Variants in CDH4 observed in about 807,000 individuals in gnomAD.
The protein encoded by CDH4 is cadherin-4.
In CDH4, 33 loss-of-function variants were observed where a neutral mutation model predicts 86.0. The ratio of observed to expected loss-of-function variants is 0.38; its 90% CI spans 0.29 to 0.51. The LOEUF (loss-of-function observed/expected upper bound fraction) is 0.51, where lower values mean the gene tolerates loss of function less well. Among genes scored for constraint, CDH4 ranks in the 20% least tolerant of loss-of-function variants. The pLI is 0.86. For missense variants in CDH4, 1,114 were observed against 1,307.4 expected (o/e 0.85, Z 2.28); for synonymous variants, 555 against 549.4 (o/e 1.01, Z -0.14).
At chr20:61,844,120 C>T (rs75638198) in intron 4 of CDH4, among the ~76,000 whole-genome samples, 2,675 of 152,328 alleles carry the variant, frequency 0.018, 36 homozygotes, top group Non-Finnish European at 0.029. Flanking sequence ...TAACCCTTCC[C>T]CATCCCAAGT....
At chr20:61,468,417 T>C (rs979113033) in intron 2 of CDH4, among the ~76,000 whole-genome samples, 1 of 152,246 alleles carries the variant, frequency 6.6e-6, no homozygotes, top group Non-Finnish European at 1.5e-5. Flanking sequence ...ATTTTTTATT[T>C]TTCTGGATAC....
At chr20:61,832,670 T>C (rs773653186) in intron 4 of CDH4, among the ~76,000 whole-genome samples, 1 of 152,088 alleles carries the variant, frequency 6.6e-6, no homozygotes, top group Non-Finnish European at 1.5e-5. Context: ...CTCACTCTCA[T>C]GAGAACTGCA....
intron 2 of CDH4, among the ~76,000 whole-genome samples, chr20:61,478,904 C>T (rs942100554): frequency 6.6e-6 from 1 of 152,090 alleles, no homozygotes; most frequent in African/African-American, 2.4e-5. Flanking sequence ...GGTTTGCCTG[C>T]GAGCGATTCT....
At chr20:61,309,949 G>A (rs2084436644) in intron 2 of CDH4, among the ~76,000 whole-genome samples, 2 of 152,212 alleles carry the variant, frequency 1.3e-5, no homozygotes, top group South Asian at 4.1e-4. Context: ...GCAGAAGCTA[G>A]GGTGGCCTCT....
intron 3 of CDH4, among the ~76,000 whole-genome samples, chr20:61,744,024 G>A (rs1160496509): frequency 6.6e-6 from 1 of 152,228 alleles, no homozygotes; most frequent in Non-Finnish European, 1.5e-5. Context: ...CTCAGGTTCA[G>A]ACACTATGCC....
At chr20:61,667,592 C>T (rs144482007) in intron 2 of CDH4, among the ~76,000 whole-genome samples, 16 of 152,248 alleles carry the variant, frequency 1.1e-4, no homozygotes, top group African/African-American at 3.9e-4. Context: ...TGCCCCCACA[C>T]ACACCCTGGG....
At chr20:61,590,885 G>GC (rs1568701022) in intron 2 of CDH4, among the ~76,000 whole-genome samples, 9 of 151,634 alleles carry the variant, frequency 5.9e-5, no homozygotes, top group African/African-American at 1.7e-4. Context: ...ATGGGGGGGG[G>GC]GGTCCCCGGG....
chr20:61,890,561 G>A (rs1017692981), intron 7 of CDH4, among the ~76,000 whole-genome samples: 1 of 151,688 alleles, frequency 6.6e-6, no homozygotes, highest in Admixed American at 6.6e-5. Context: ...ATGGGTGGAT[G>A]ATGCATGATG....
chr20:61,763,155 C>T (rs1310707774), intron 3 of CDH4, among the ~76,000 whole-genome samples: 1 of 152,198 alleles, frequency 6.6e-6, no homozygotes, highest in Non-Finnish European at 1.5e-5. Flanking sequence ...GCCGGCTTCC[C>T]TTAGAAATAT....
intron 4 of CDH4, among the ~76,000 whole-genome samples, chr20:61,838,616 G>A (rs764340628): frequency 6.6e-6 from 1 of 151,978 alleles, no homozygotes; most frequent in Non-Finnish European, 1.5e-5. Context: ...AGTTCAAGAC[G>A]GGCAACATGG....
At chr20:61,337,448 G>A (rs1353798107) in intron 2 of CDH4, among the ~76,000 whole-genome samples, 2 of 151,740 alleles carry the variant, frequency 1.3e-5, no homozygotes, top group Admixed American at 1.3e-4. Context: ...AACAATGGAT[G>A]ATGAGGAGAA....
intron 2 of CDH4, among the ~76,000 whole-genome samples, chr20:61,373,545 A>C (rs2084851489): frequency 1.3e-5 from 2 of 152,108 alleles, no homozygotes; most frequent in African/African-American, 4.8e-5. Context: ...ATTTGGACTT[A>C]ATGGAGAAAA....
intron 2 of CDH4, among the ~76,000 whole-genome samples, chr20:61,324,855 A>G (rs2084528403): frequency 6.6e-6 from 1 of 152,154 alleles, no homozygotes; most frequent in African/African-American, 2.4e-5. Context: ...TGTGGCAGGC[A>G]CTTGACCCAG....
intron 9 of CDH4, among the ~76,000 whole-genome samples, chr20:61,913,504 C>T (rs1388942288): frequency 1.3e-5 from 2 of 152,204 alleles, no homozygotes; most frequent in African/African-American, 4.8e-5. Flanking sequence ...CACGGAGCCC[C>T]TTGGCAGGCC....
intron 2 of CDH4, among the ~76,000 whole-genome samples, chr20:61,322,066 G>T (rs1274336951): frequency 6.6e-6 from 1 of 152,150 alleles, no homozygotes; most frequent in East Asian, 1.9e-4. Flanking sequence ...TTGGTCAGAG[G>T]TCCCCCCAGG....
At chr20:61,612,661 G>A (rs540781800) in intron 2 of CDH4, among the ~76,000 whole-genome samples, 13 of 152,070 alleles carry the variant, frequency 8.5e-5, no homozygotes, top group Non-Finnish European at 1.3e-4. Flanking sequence ...GGACTTTCCC[G>A]AATGAAAAGC....
At chr20:61,277,368 T>A (rs1423333077) in intron 2 of CDH4, among the ~76,000 whole-genome samples, 1 of 152,230 alleles carries the variant, frequency 6.6e-6, no homozygotes, top group Non-Finnish European at 1.5e-5. Context: ...GTTGTGACTT[T>A]GTGTGTGCGT....
chr20:61,344,947 G>A (rs150984476), intron 2 of CDH4, among the ~76,000 whole-genome samples: 11 of 152,294 alleles, frequency 7.2e-5, no homozygotes, highest in Admixed American at 2.6e-4. Flanking sequence ...CCGCAGACTC[G>A]AGTCTAGGAT....
intron 2 of CDH4, among the ~76,000 whole-genome samples, chr20:61,406,831 C>A (rs1239584884): frequency 2.0e-5 from 3 of 146,688 alleles, no homozygotes; most frequent in Admixed American, 2.0e-4. Context: ...CCCGGACCAC[C>A]ATCTTCTCTG....
Sources: allele counts gnomAD v4.1 joint callset (sites outside exome capture counted in the v4.1 genomes callset), GRCh38; gene constraint gnomAD v4.1.1; transcripts MANE v1.5; gene names NCBI Gene and HGNC (gene_info 2026-07-23, HGNC 2026-07-21).